ZNF606: variants seen among roughly 807,000 people sequenced by gnomAD.
The protein encoded by ZNF606 is zinc finger protein 606.
A neutral mutation model predicts 74.9 loss-of-function variants in ZNF606; 37 were observed. That is an observed-to-expected ratio of 0.49 (90% CI 0.38 to 0.65). ZNF606 has a LOEUF of 0.65. Among genes scored for constraint, ZNF606 ranks in the 30% least tolerant of loss-of-function variants. The pLI, the probability that ZNF606 is intolerant of heterozygous loss-of-function variation, is 0.00. For missense variants in ZNF606, 852 were observed against 952.9 expected (o/e 0.89, Z 1.39); for synonymous variants, 328 against 312.4 (o/e 1.05, Z -0.53).
chr19:57,985,653 G>C (rs2073152403), intron 6 of ZNF606, among the ~76,000 whole-genome samples: 2 of 152,128 alleles, frequency 1.3e-5, no homozygotes, highest in Non-Finnish European at 2.9e-5. Flanking sequence ...CTAGGGCCAG[G>C]GGTGGTGGCT....
At position 57,978,193 on chromosome 19, in the gene ZNF606, G is replaced by A; in HGVS notation, c.*108C>T. ...TGATATTTTCTAGTAAATAATGTGGGAGAAGTCTTACTGAACTCTTAATGA... is the reference window on the plus strand; with the variant it reads ...TGATATTTTCTAGTAAATAATGTGGAAGAAGTCTTACTGAACTCTTAATGA... On this transcript the variant is annotated 3_prime_UTR_variant, in exon 7 of 7. Coordinates refer to ENST00000551380, the MANE Select transcript of ZNF606 (RefSeq NM_001348022.3). This position sits in a 1 kb window ranked among gnomAD's most constrained non-coding sequence, Gnocchi z 4.4. 2 of 1,100,092 alleles carry A rather than the reference G, an allele frequency of 1.8e-6. No individual in the cohort carries two copies. Among genetic ancestry groups the A allele is most frequent in the Non-Finnish European group, 2.5e-6 (2 of 791,374 alleles). 68.1% of individuals were successfully genotyped at this position (1,100,092 alleles called of 1,614,324 possible).
chr19:57,995,250 G>A (rs995173250), intron 4 of ZNF606, among the ~76,000 whole-genome samples: 1 of 151,370 alleles, frequency 6.6e-6, no homozygotes, highest in African/African-American at 2.4e-5. Flanking sequence ...GCTTCTAGGG[G>A]TATGCCTAGA....
intron 4 of ZNF606, among the ~76,000 whole-genome samples, chr19:57,992,862 T>C (rs773110327): frequency 3.4e-4 from 52 of 152,242 alleles, no homozygotes; most frequent in Non-Finnish European, 5.9e-4. Context: ...CATGGGTGCT[T>C]GCAGCAGGCT....
rs907362215 is a variant in ZNF606, at chr19:57,977,661, C to T, written c.*640G>A. On this transcript the variant is annotated 3_prime_UTR_variant, in exon 7 of 7. Transcript: ENST00000551380. The stretch of plus-strand genomic sequence containing the variant: ...AGGATCACTTTCTGTCCAGCAACAT[C>T]AGTCTCACACTCCTAGGCAATAACT... The T allele has an allele frequency of 6.6e-6, 1 of 152,376 alleles. No individual in the cohort carries two copies. The highest frequency in any genetic ancestry group is 2.4e-5 in the African/African-American group (1 of 41,460). 9.4% of individuals were successfully genotyped at this position (152,376 alleles called of 1,614,324 possible).
chr19:57,979,109 C>G lies in ZNF606; in HGVS notation c.1571G>C (p.Ser524Thr), dbSNP rs771048286. ...CTECGKSFSWSSHLIAHMRMH... is the reference protein window; with the variant it reads ...CTECGKSFSWTSHLIAHMRMH... ...TCTCATATGGGCAATAAGATGGGAGCTCCAGCTGAATGATTTCCCACATTC... is the reference window on the plus strand; with the variant it reads ...TCTCATATGGGCAATAAGATGGGAGGTCCAGCTGAATGATTTCCCACATTC... Residue 524 changes from serine to threonine, a missense_variant, in exon 7 of 7, where the codon AGC (serine) becomes ACC (threonine). Physicochemically the swap from Ser to Thr is moderately conservative, Grantham distance 58. Coordinates refer to ENST00000551380, the MANE Select transcript of ZNF606 (RefSeq NM_001348022.3). 9 of 1,613,962 alleles carry G rather than the reference C, an allele frequency of 5.6e-6. No individual in the cohort carries two copies. Among genetic ancestry groups the G allele is most frequent in the Non-Finnish European group, 6.8e-6 (8 of 1,180,028 alleles).
intron 6 of ZNF606, among the ~76,000 whole-genome samples, chr19:57,987,366 CCT>C (rs1390859639): frequency 2.0e-5 from 3 of 152,076 alleles, no homozygotes; most frequent in African/African-American, 7.2e-5. Flanking sequence ...ACCTCAGCCC[CCT>C]GAGTAGCTAG....
At chr19:57,990,773 T>G (rs986237642) in intron 4 of ZNF606, among the ~76,000 whole-genome samples, 1 of 152,032 alleles carries the variant, frequency 6.6e-6, no homozygotes, top group Non-Finnish European at 1.5e-5. Context: ...TTTCAGTGTA[T>G]CCATTTTTAC....
chr19:57,980,334 G>C (rs1336536435), intron 6 of ZNF606, 55 bp from the exon 7 acceptor site: 4 of 1,511,752 alleles, frequency 2.6e-6, no homozygotes, highest in Non-Finnish European at 3.5e-6. Context: ...TTAGAATAAA[G>C]TGGGAATGGT....
At position 58,002,564 on chromosome 19, in the gene ZNF606, T is replaced by A. The variant is rs919196886; in HGVS notation, c.-220A>T. Reference sequence around the variant, plus strand: ...CCCGCGGAGCCGACGTGCAGCAGAGTTCACCCAGGCCCGTCCGACCAGAAA... The same window carrying A: ...CCCGCGGAGCCGACGTGCAGCAGAGATCACCCAGGCCCGTCCGACCAGAAA... On this transcript the variant is annotated 5_prime_UTR_variant, in exon 1 of 7. Transcript: ENST00000551380. 1 of 429,418 alleles carries A rather than the reference T, an allele frequency of 2.3e-6. No individual in the cohort carries two copies. The highest frequency in any genetic ancestry group is 4.7e-6 in the Non-Finnish European group (1 of 214,476). The allele number at this position is 429,418 out of a possible 1,614,324, so 26.6% of individuals were successfully genotyped here. A position where few individuals can be genotyped will look rare whatever the true frequency, so the allele number is the denominator to read the frequency against.
At position 57,980,286 on chromosome 19, in the gene ZNF606, CA is replaced by C; in HGVS notation, c.401-8del. On this transcript the variant is annotated splice_polypyrimidine_tract_variant and splice_region_variant and intron_variant, in intron 6 of 6. Transcript: ENST00000551380. Reference sequence around the variant, plus strand: ...TCAAGATTTCTCACCCATTCTGAAACAGACAGAAAAAAAGCTATGAGAGCAT... The same window carrying C: ...TCAAGATTTCTCACCCATTCTGAAACGACAGAAAAAAAGCTATGAGAGCAT... 2 of 1,588,108 alleles carry C rather than the reference CA, an allele frequency of 1.3e-6. No individual in the cohort carries two copies. The highest frequency in any genetic ancestry group is 1.7e-6 in the Non-Finnish European group (2 of 1,169,454).
intron 4 of ZNF606, chr19:57,998,521 T>C (rs1057490307): frequency 6.6e-6 from 1 of 152,156 alleles, no homozygotes; most frequent in Non-Finnish European, 1.5e-5. Context: ...GGCAAATTCA[T>C]AGAGACAGAA....
chr19:57,993,635 G>A (rs2073293244), intron 4 of ZNF606, among the ~76,000 whole-genome samples: 1 of 152,218 alleles, frequency 6.6e-6, no homozygotes, highest in Non-Finnish European at 1.5e-5. Context: ...ACTGCCAGCA[G>A]CCATGTACTT....
chr19:57,988,240 C>A lies in ZNF606; in HGVS notation c.367G>T (p.Val123Leu). 1 of 1,614,104 alleles carries A rather than the reference C, an allele frequency of 6.2e-7. No homozygotes were observed. Among genetic ancestry groups the A allele is most frequent in the Non-Finnish European group, 8.5e-7 (1 of 1,180,002 alleles). Residue 123 changes from valine (V) to leucine (L), a missense_variant, in exon 6 of 7, where the codon GTG becomes TTG. Physicochemically the swap from Val to Leu is conservative, Grantham distance 32. Transcript: ENST00000551380. ...LLEQGEEPWS[V>L]EQACPQRTCP... ...GTGCGTTGAGGACATGCCTGCTCCA[C>A]TGACCACGGCTCTTCTCCTTGCTCC...
chr19:57,994,047 G>A (rs2073300073), intron 4 of ZNF606, among the ~76,000 whole-genome samples: 1 of 152,168 alleles, frequency 6.6e-6, no homozygotes, highest in South Asian at 2.1e-4. Context: ...AGAGAATCCA[G>A]ACAACAGCCA....
chr19:57,997,014 C>A (rs1336383832), intron 4 of ZNF606, among the ~76,000 whole-genome samples: 1 of 152,182 alleles, frequency 6.6e-6, no homozygotes, highest in Admixed American at 6.5e-5. Context: ...ACAGATCTTG[C>A]CCAACTGCTC....
intron 4 of ZNF606, among the ~76,000 whole-genome samples, chr19:57,992,740 T>C (rs1182267582): frequency 1.3e-5 from 2 of 152,254 alleles, no homozygotes; most frequent in East Asian, 3.9e-4. Flanking sequence ...ACAGGTGAAA[T>C]GATACAATTC....
chr19:57,991,582 C>T (rs55714572), intron 4 of ZNF606, among the ~76,000 whole-genome samples: 23,509 of 151,900 alleles, frequency 0.15, 1,843 homozygotes, highest in African/African-American at 0.19. Flanking sequence ...GAGTTCGATA[C>T]CAGCCTGGCC....
intron 1 of ZNF606, 112 bp from the exon 2 acceptor site, chr19:58,001,482 C>G (rs778242744): frequency 1.3e-6 from 1 of 755,342 alleles, no homozygotes; most frequent in Non-Finnish European, 2.2e-6. Flanking sequence ...TAAGGAGCAT[C>G]GTAAGAAAAG....
chr19:57,993,892 T>C (rs2073297372), intron 4 of ZNF606, among the ~76,000 whole-genome samples: 2 of 152,114 alleles, frequency 1.3e-5, no homozygotes, highest in Non-Finnish European at 2.9e-5. Flanking sequence ...GCACCAATCA[T>C]GAATCAGATC....
Sources: gnomAD v4.1 joint callset for allele counts (sites outside exome capture counted in the v4.1 genomes callset) on GRCh38, gnomAD v4.1.1 for gene constraint, Gnocchi (gnomAD v3.1) non-coding constraint, MANE v1.5 for transcripts, NCBI Gene and HGNC (gene_info 2026-07-23, HGNC 2026-07-21) for gene names.